The following NRG1 variants were observed in gnomAD, a reference collection of about 807,000 sequenced individuals.
NRG1 encodes the protein pro-neuregulin-1, membrane-bound isoform.
NRG1 carries 18 observed loss-of-function variants against 63.8 expected under a neutral mutation model. That is an observed-to-expected ratio of 0.28 (90% confidence interval 0.19 to 0.42). The LOEUF (loss-of-function observed/expected upper bound fraction) is 0.42, where lower values mean the gene tolerates loss of function less well. NRG1 is among the 10% of genes least tolerant of loss of function. The pLI is 1.00. For synonymous variants in NRG1, 302 were observed against 301.3 expected (o/e 1.00, Z -0.02); for missense variants, 762 against 814.7 (o/e 0.94, Z 0.79).
intron 5 of NRG1, among the ~76,000 whole-genome samples, chr8:32,641,884 T>A (rs1483612929): frequency 6.6e-6 from 1 of 152,192 alleles, no homozygotes; most frequent in Non-Finnish European, 1.5e-5. Flanking sequence ...TTTTGCATCA[T>A]AAATAATGTA....
intron 1 of NRG1, among the ~76,000 whole-genome samples, chr8:32,387,293 G>T (rs1811141659): frequency 6.6e-6 from 1 of 152,150 alleles, no homozygotes. Context: ...ATCAACAATG[G>T]CTTTGAAGTT....
At chr8:32,724,469 AT>A (rs1821542240) in intron 5 of NRG1, among the ~76,000 whole-genome samples, 1 of 152,172 alleles carries the variant, frequency 6.6e-6, no homozygotes, top group Admixed American at 6.5e-5. Flanking sequence ...GTTTCATTAC[AT>A]CCTGGTTGAA....
chr8:31,742,218 A>ATTT (rs1554519452), intron 1 of NRG1, among the ~76,000 whole-genome samples: 1 of 151,886 alleles, frequency 6.6e-6, no homozygotes, highest in Non-Finnish European at 1.5e-5. Flanking sequence ...AATGATTAAA[A>ATTT]GAGATTCAGA....
At chr8:32,750,615 T>C (rs571471724) in intron 7 of NRG1, among the ~76,000 whole-genome samples, 43 of 150,134 alleles carry the variant, frequency 2.9e-4, no homozygotes, top group Non-Finnish European at 4.9e-4. Flanking sequence ...CATCACAGGC[T>C]GGACATAATG....
rs567649356 is a variant in NRG1 at position 32,019,107 on chromosome 8, G to GT, written c.37+379685dup. 1.9e-3 allele frequency among the ~76,000 whole-genome samples: 280 copies of GT among 151,060 alleles called. 2 individuals are homozygous for GT. The highest frequency in any genetic ancestry group is 6.8e-3 in the Middle Eastern group (2 of 294). On this transcript the variant is annotated intron_variant, in intron 1 of 10. Coordinates refer to the NRG1 transcript ENST00000519301. ...TTTCTTATTGATTTGGAGGAGTTCT[G>GT]TTTTTTTTTGAGACGGAGTCTCACT... is the stretch of plus-strand genomic sequence containing the variant.
intron 1 of NRG1, among the ~76,000 whole-genome samples, chr8:32,396,993 TC>T (rs1162983712): frequency 1.3e-5 from 2 of 152,170 alleles, no homozygotes; most frequent in African/African-American, 4.8e-5. Context: ...CGAAGCCATT[TC>T]TACATCTTTA....
intron 1 of NRG1, among the ~76,000 whole-genome samples, chr8:31,846,581 T>C (rs1367264637): frequency 2.0e-5 from 3 of 152,212 alleles, no homozygotes; most frequent in Admixed American, 6.5e-5. Context: ...AGTTTTGGAC[T>C]GTAAGTGCTC....
intron 1 of NRG1, among the ~76,000 whole-genome samples, chr8:31,746,053 C>T (rs1815822841): frequency 1.3e-5 from 2 of 151,780 alleles, no homozygotes; most frequent in Admixed American, 6.6e-5. Flanking sequence ...AAATCAGAAT[C>T]AAGCGTGGTT....
intron 1 of NRG1, among the ~76,000 whole-genome samples, chr8:32,077,551 C>T (rs373990449): frequency 1.3e-5 from 2 of 152,040 alleles, no homozygotes; most frequent in Non-Finnish European, 2.9e-5. Context: ...TTCTTTTGTG[C>T]GTTTTAGCAT....
At chr8:32,106,753 A>T (rs866885966) in intron 1 of NRG1, among the ~76,000 whole-genome samples, 4 of 152,080 alleles carry the variant, frequency 2.6e-5, no homozygotes, top group Non-Finnish European at 4.4e-5. Context: ...CTCCCTTTTT[A>T]AAAAAAATGG....
Position 31,869,235 on chromosome 8 carries a change from C to A in NRG1, c.37+229804C>A, listed in dbSNP as rs79662839. Among the ~76,000 whole-genome samples, 600 of 152,274 alleles carry A rather than the reference C, an allele frequency of 3.9e-3. 5 individuals are homozygous for A. The highest frequency in any genetic ancestry group is 0.014 in the African/African-American group (581 of 41,548). On this transcript the variant is annotated intron_variant, in intron 1 of 10. Coordinates refer to the NRG1 transcript ENST00000519301. ...TCCTATCAGACACAGGTGCTCTTCTCTGCCCAACTGCAATTCAGTCCAAGA... is the reference window on the plus strand; with the variant it reads ...TCCTATCAGACACAGGTGCTCTTCTATGCCCAACTGCAATTCAGTCCAAGA...
chr8:31,786,031 G>T (rs1459823039), intron 1 of NRG1, among the ~76,000 whole-genome samples: 1 of 152,082 alleles, frequency 6.6e-6, no homozygotes, highest in Non-Finnish European at 1.5e-5. Context: ...TACAAAACAA[G>T]AAATCACAAA....
intron 1 of NRG1, among the ~76,000 whole-genome samples, chr8:32,049,703 T>G (rs185730287): frequency 3.5e-4 from 54 of 152,276 alleles, no homozygotes; most frequent in African/African-American, 1.1e-3. Context: ...GAAACAAATT[T>G]AAGGCAAGAT....
intron 1 of NRG1, among the ~76,000 whole-genome samples, chr8:31,671,193 T>C (rs1807105833): frequency 6.6e-6 from 1 of 151,960 alleles, no homozygotes; most frequent in Admixed American, 6.6e-5. Flanking sequence ...ATAACTTGAG[T>C]TTTGAGAGGT....
intron 1 of NRG1, among the ~76,000 whole-genome samples, chr8:31,778,383 C>G (rs1819360410): frequency 1.3e-5 from 2 of 152,164 alleles, no homozygotes; most frequent in Admixed American, 6.5e-5. Context: ...ATATACCAGG[C>G]ATGGGAATGT....
At chr8:32,361,375 C>A (rs528459091) in intron 1 of NRG1, among the ~76,000 whole-genome samples, 2 of 152,250 alleles carry the variant, frequency 1.3e-5, no homozygotes, top group African/African-American at 4.8e-5. Context: ...CTTAAGCTTG[C>A]AGTTCCCACT....
At chr8:32,086,152 G>A (rs1412022390) in intron 1 of NRG1, among the ~76,000 whole-genome samples, 2 of 152,110 alleles carry the variant, frequency 1.3e-5, no homozygotes, top group East Asian at 1.9e-4. Context: ...TGGACATTTT[G>A]TTCATGGATA....
At chr8:31,722,953 GA>G (rs1001406027) in intron 1 of NRG1, among the ~76,000 whole-genome samples, 6 of 151,934 alleles carry the variant, frequency 3.9e-5, no homozygotes, top group African/African-American at 1.5e-4. Flanking sequence ...TCATAGTGTT[GA>G]AAAAATTCAA....
At chr8:32,463,557 T>G (rs1025556194) in intron 1 of NRG1, among the ~76,000 whole-genome samples, 6 of 152,088 alleles carry the variant, frequency 3.9e-5, no homozygotes, top group Non-Finnish European at 8.8e-5. Context: ...ATACTTAGAA[T>G]CCTGACTGGG....
Sources: allele counts gnomAD v4.1 joint callset (sites outside exome capture counted in the v4.1 genomes callset), GRCh38; gene constraint gnomAD v4.1.1; transcripts MANE v1.5; gene names NCBI Gene and HGNC (gene_info 2026-07-23, HGNC 2026-07-21).